RETSAT: variants seen among roughly 807,000 people sequenced by gnomAD.
The protein encoded by RETSAT is retinol saturase.
RETSAT carries 35 observed loss-of-function variants against 61.6 expected under a neutral mutation model. The ratio of observed to expected loss-of-function variants is 0.57; its 90% CI spans 0.43 to 0.75. RETSAT has a LOEUF of 0.75. Ranked by LOEUF, RETSAT falls within the 30% of genes least tolerant of loss-of-function variation. The pLI is 0.00. For missense variants in RETSAT, 670 were observed against 759.5 expected, an observed-to-expected ratio of 0.88 and a Z score of 1.38; for synonymous variants, 277 against 310.4, an observed-to-expected ratio of 0.89 and a Z score of 1.13.
chr2:85,353,718 T>C (rs527370107), intron 1 of RETSAT, among the ~76,000 whole-genome samples: 1 of 152,350 alleles, frequency 6.6e-6, no homozygotes, highest in East Asian at 1.9e-4. Flanking sequence ...AGGGACTCCG[T>C]AGATCAAACA....
intron 5 of RETSAT, among the ~76,000 whole-genome samples, chr2:85,346,883 GC>G (rs757032795): frequency 3.4e-4 from 51 of 152,180 alleles, no homozygotes; most frequent in Non-Finnish European, 6.8e-4. Flanking sequence ...TGTGTGTCCA[GC>G]TCCATCCGTC....
chr2:85,349,582 C>A lies in RETSAT; in HGVS notation c.800-1G>T. The A allele has an allele frequency of 6.2e-7, 1 of 1,613,990 alleles. No homozygotes were observed. The highest frequency in any genetic ancestry group is 8.5e-7 in the Non-Finnish European group (1 of 1,179,910). On this transcript the variant is annotated splice_acceptor_variant, in intron 4 of 10. Transcript: ENST00000295802. LOFTEE classifies it high-confidence loss of function. ...AAGGCACTGTGGTTGGGGGTGACAC[C>A]TGCAGAAGCAAGGAAGGGTGGTGAG...
chr2:85,346,157 C>G, intron 5 of RETSAT, 63 bp from the exon 6 acceptor site: 2 of 1,563,336 alleles, frequency 1.3e-6, no homozygotes, highest in Non-Finnish European at 1.7e-6. Flanking sequence ...AGGCCCACGG[C>G]CCCCATGGAT....
intron 5 of RETSAT, 74 bp from the exon 6 acceptor site, chr2:85,346,168 C>G: frequency 6.5e-7 from 1 of 1,541,876 alleles, no homozygotes; most frequent in Non-Finnish European, 8.8e-7. Flanking sequence ...CCCCATGGAT[C>G]TCTCTCTGCC....
chr2:85,343,163 A>T lies in RETSAT; in HGVS notation c.*79T>A. The T allele has an allele frequency of 1.3e-6, 2 of 1,571,708 alleles. No individual in the cohort carries two copies. The highest frequency in any genetic ancestry group is 2.3e-5 in the South Asian group (2 of 85,682). Reference sequence around the variant, plus strand: ...AGTGCTTTATACGTGCAAGGAACTAATGCAGAAAGACATTATGGGTAAGTC... The same window carrying T: ...AGTGCTTTATACGTGCAAGGAACTATTGCAGAAAGACATTATGGGTAAGTC... On this transcript the variant is annotated 3_prime_UTR_variant, in exon 11 of 11. Transcript: ENST00000295802.
In RETSAT at chr2:85,351,784, G is replaced by T. The variant is rs1458587745; in HGVS notation, c.251C>A (p.Ala84Glu). The T allele has an allele frequency of 2.5e-6, 4 of 1,614,020 alleles. No individual in the cohort carries two copies. Among genetic ancestry groups the T allele is most frequent in the African/African-American group, 2.7e-5 (2 of 74,908 alleles). The change falls in exon 2 of 11, where the codon GCA (alanine) becomes GAA (glutamate). Residue 84 changes from alanine to glutamate, a missense_variant. Transcript: ENST00000295802. ...GSGFGGLAAA[A>E]ILAKAGKRVL... ...TCGCTTGCCAGCTTTAGCTAGAATT[G>T]CAGCTGCAGCCAGGCCCCCAAAGCC...
In RETSAT at chr2:85,344,693, C is replaced by G. The variant is rs1272962433; in HGVS notation, c.1157G>C (p.Gly386Ala). ...CAGGCAGATGAAAACAGAGGTCATGCCTAAGCCGGGCCGCACCGTCCCCAG... is the reference window on the plus strand; with the variant it reads ...CAGGCAGATGAAAACAGAGGTCATGGCTAAGCCGGGCCGCACCGTCCCCAG... ...QQLGTVRPGLGMTSVFICLRG... is the reference protein window; with the variant it reads ...QQLGTVRPGLAMTSVFICLRG... Residue 386 changes from glycine to alanine, a missense_variant, in exon 7 of 11, where the codon GGC (glycine) becomes GCC (alanine). Transcript: ENST00000295802. 20 of 1,614,178 alleles carry G rather than the reference C, an allele frequency of 1.2e-5. No homozygotes were observed. Among genetic ancestry groups the G allele is most frequent in the Non-Finnish European group, 1.7e-5 (20 of 1,180,020 alleles).
At chr2:85,352,576 C>A (rs932183764) in intron 1 of RETSAT, among the ~76,000 whole-genome samples, 2 of 151,928 alleles carry the variant, frequency 1.3e-5, no homozygotes, top group African/African-American at 4.8e-5. Flanking sequence ...GAGCCAAAGT[C>A]TTGCTATGTT....
chr2:85,353,882 G>T (rs185843362), intron 1 of RETSAT, among the ~76,000 whole-genome samples: 1 of 152,300 alleles, frequency 6.6e-6, no homozygotes, highest in African/African-American at 2.4e-5. Context: ...CAATCCTTAC[G>T]ATTTGGGACC....
Position 85,350,731 on chromosome 2 carries a change from C to G in RETSAT, c.597+49G>C, listed in dbSNP as rs73945713. On this transcript the variant is annotated intron_variant, in intron 3 of 10. Coordinates refer to ENST00000295802, the MANE Select transcript of RETSAT (RefSeq NM_017750.4). ...AGTGCCTCCACTAATAATAAAGAAA[C>G]CCAGCCTTATCGAGAACAAACTCTG... is the stretch of plus-strand genomic sequence containing the variant. The G allele has an allele frequency of 8.7e-3, 14,008 of 1,610,054 alleles. 527 individuals carry two copies. The African/African-American group carries it at 0.1, about 12-fold the overall frequency.
rs991280347 is a variant in RETSAT at position 85,344,667 on chromosome 2, G to T, written c.1183C>A (p.Arg395=). The change falls in exon 7 of 11, where the codon CGA becomes AGA. Residue 395 remains arginine (R), a synonymous_variant. Transcript: ENST00000295802. The stretch of plus-strand genomic sequence containing the variant: ...AGATGCAGGTCTTCCTTGGTGCCTC[G>T]CAGGCAGATGAAAACAGAGGTCATG... The part of the protein sequence containing the change: ...LGMTSVFICL[R]GTKEDLHLPS... The T allele has an allele frequency of 6.2e-7, 1 of 1,614,010 alleles. No individual in the cohort carries two copies. The highest frequency in any genetic ancestry group is 8.5e-7 in the Non-Finnish European group (1 of 1,180,016).
intron 6 of RETSAT, 80 bp downstream of exon 6, chr2:85,345,895 G>T: frequency 6.3e-7 from 1 of 1,580,312 alleles, no homozygotes; most frequent in Non-Finnish European, 8.7e-7. Context: ...GGAGAAGCAT[G>T]ACCCACACGG....
Position 85,344,653 on chromosome 2 carries a change from T to C in RETSAT, c.1197A>G (p.Glu399=), listed in dbSNP as rs762074418. 22 of 1,614,068 alleles carry C rather than the reference T, an allele frequency of 1.4e-5. No homozygotes were observed. The highest frequency in any genetic ancestry group is 8.9e-5 in the East Asian group (4 of 44,878). ...AGTTGGTGGACGGCAGATGCAGGTC[T>C]TCCTTGGTGCCTCGCAGGCAGATGA... ...SVFICLRGTK[E]DLHLPSTNYY... is the part of the protein sequence containing the mutation. Residue 399 remains glutamate, a synonymous_variant, in exon 7 of 11, where the codon GAA becomes GAG. Coordinates refer to ENST00000295802, the MANE Select transcript of RETSAT (RefSeq NM_017750.4).
intron 1 of RETSAT, 106 bp downstream of exon 1, chr2:85,354,230 G>C: frequency 3.2e-6 from 4 of 1,257,180 alleles, no homozygotes; most frequent in Non-Finnish European, 4.5e-6. Flanking sequence ...TTACATATGG[G>C]GAAACTAAGG....
chr2:85,345,545 G>A (rs564906863), intron 6 of RETSAT: 8 of 338,026 alleles, frequency 2.4e-5, no homozygotes, highest in African/African-American at 8.6e-5. Flanking sequence ...TCTTCCCAGC[G>A]GCCTCCCTTC....
intron 2 of RETSAT, chr2:85,351,306 A>G (rs1683295705): frequency 8.3e-6 from 4 of 479,550 alleles, no homozygotes; most frequent in African/African-American, 1.9e-5. Context: ...GAGGTGGATC[A>G]CTTGAGGTCA....
At chr2:85,348,630 CAAAAAAAAAAA>C (rs11400450) in intron 5 of RETSAT, among the ~76,000 whole-genome samples, 2 of 43,898 alleles carry the variant, frequency 4.6e-5, no homozygotes, top group African/African-American at 1.3e-4. Context: ...GACTCCAACT[CAAAAAAAAAAA>C]AAAAAAAAAA....
At chr2:85,345,042 G>T (rs1683170471) in intron 6 of RETSAT, among the ~76,000 whole-genome samples, 1 of 152,176 alleles carries the variant, frequency 6.6e-6, no homozygotes, top group East Asian at 1.9e-4. Flanking sequence ...GAGAAGGGAG[G>T]TCAGGGTCAC....
Position 85,345,804 on chromosome 2 carries a change from T to C in RETSAT, c.1117+171A>G, listed in dbSNP as rs1683187548. 4 of 844,830 alleles carry C rather than the reference T, an allele frequency of 4.7e-6. No homozygotes were observed. The Admixed American group carries it at 7.6e-5, about 16-fold the overall frequency. 52.3% of individuals were successfully genotyped at this position (844,830 alleles called of 1,614,324 possible). A position where few individuals can be genotyped will look rare whatever the true frequency, so the allele number is the denominator to read the frequency against. On this transcript the variant is annotated intron_variant, in intron 6 of 10. Transcript: ENST00000295802. ...GTATGGGCCTCAGTTTCCCCAACAT[T>C]AAATGCTAGGGTTAGGATGATGTTA...
Sources: gnomAD v4.1 joint callset for allele counts (sites outside exome capture counted in the v4.1 genomes callset) on GRCh38, gnomAD v4.1.1 for gene constraint, MANE v1.5 for transcripts, NCBI Gene and HGNC (gene_info 2026-07-23, HGNC 2026-07-21) for gene names.